The following KLRG1 variants were observed in gnomAD, a reference collection of about 807,000 sequenced individuals.
KLRG1 encodes killer cell lectin-like receptor subfamily G member 1.
KLRG1 carries 16 observed loss-of-function variants against 21.8 expected under a neutral mutation model. The observed-to-expected ratio is 0.73, with a 90% CI of 0.50 to 1.11. The LOEUF is 1.11. Ranked by LOEUF, KLRG1 falls within the 50% of genes most tolerant of loss-of-function variation. The probability of loss-of-function intolerance (pLI) is 0.00; values close to 1 mark genes in which losing one functional copy is unlikely to be tolerated. For missense variants in KLRG1, 173 were observed against 218.3 expected (o/e 0.79, Z 1.31); for synonymous variants, 69 against 75.9 (o/e 0.91, Z 0.47).
the KLRG1 span, chr12:9,200,834 T>G: frequency 6.5e-7 from 1 of 1,528,884 alleles, no homozygotes; most frequent in Non-Finnish European, 8.9e-7. Context: ...AGGATCTAAG[T>G]GAGCTCACAC....
At chr12:9,100,531 G>C in the KLRG1 span, among the ~76,000 whole-genome samples, 6 of 151,600 alleles carry the variant, frequency 4.0e-5, no homozygotes, top group Non-Finnish European at 7.4e-5. Flanking sequence ...CTCCCATCCC[G>C]TTCTCCCAAA....
chr12:9,109,295 A>G, the KLRG1 span: 6 of 1,565,784 alleles, frequency 3.8e-6, no homozygotes, highest in Non-Finnish European at 5.3e-6. Flanking sequence ...AATCCCCCAC[A>G]AAAGATTTTT....
At chr12:9,172,836 A>T in the KLRG1 span, among the ~76,000 whole-genome samples, 1 of 152,224 alleles carries the variant, frequency 6.6e-6, no homozygotes, top group South Asian at 2.1e-4. Flanking sequence ...GCAAGTTCTT[A>T]TATACCTACA....
chr12:8,974,507 G>A (rs1946625023), intron 1 of KLRG1, among the ~76,000 whole-genome samples: 1 of 126,990 alleles, frequency 7.9e-6, no homozygotes, highest in African/African-American at 2.6e-5. Flanking sequence ...TTAGCTGTGG[G>A]CTTCTTTATA....
chr12:9,160,844 G>A, the KLRG1 span, among the ~76,000 whole-genome samples: 5 of 151,964 alleles, frequency 3.3e-5, no homozygotes, highest in Non-Finnish European at 7.4e-5. Context: ...GAACCCAGGA[G>A]GCGGAGCTTG....
At chr12:9,087,470 G>T in the KLRG1 span, among the ~76,000 whole-genome samples, 1 of 152,108 alleles carries the variant, frequency 6.6e-6, no homozygotes, top group Admixed American at 6.5e-5. Flanking sequence ...AAATTCACAG[G>T]AGCAGAGAGT....
chr12:9,107,146 G>T, the KLRG1 span, among the ~76,000 whole-genome samples: 1 of 152,108 alleles, frequency 6.6e-6, no homozygotes, highest in Non-Finnish European at 1.5e-5. Context: ...TCTATATGGG[G>T]ACTGTGTTTG....
chr12:9,060,884 T>G, the KLRG1 span, among the ~76,000 whole-genome samples: 12 of 152,200 alleles, frequency 7.9e-5, no homozygotes, highest in African/African-American at 2.9e-4. Flanking sequence ...TTTCTCTAGG[T>G]AAGAGACAGT....
intron 1 of KLRG1, among the ~76,000 whole-genome samples, chr12:8,968,361 A>G (rs1042957570): frequency 3.9e-5 from 6 of 152,186 alleles, no homozygotes; most frequent in African/African-American, 1.4e-4. Flanking sequence ...CCTTGCTCTA[A>G]AATAGAGTGA....
chr12:9,016,230 G>T, the KLRG1 span, among the ~76,000 whole-genome samples: 1 of 151,566 alleles, frequency 6.6e-6, no homozygotes, highest in African/African-American at 2.4e-5. Flanking sequence ...TGGTTTTTTT[G>T]AAAAGATAAA....
At chr12:9,188,858 C>A in the KLRG1 span, among the ~76,000 whole-genome samples, 1 of 152,026 alleles carries the variant, frequency 6.6e-6, no homozygotes, top group Non-Finnish European at 1.5e-5. Context: ...TTATAAAACA[C>A]CGCTCAAAGA....
the KLRG1 span, among the ~76,000 whole-genome samples, chr12:9,120,273 C>G: frequency 7.9e-5 from 12 of 152,134 alleles, no homozygotes; most frequent in African/African-American, 2.9e-4. Flanking sequence ...GAAAAGGGAG[C>G]ACACAATTTG....
chr12:9,080,068 G>T, the KLRG1 span: 1 of 1,472,546 alleles, frequency 6.8e-7, no homozygotes, highest in Non-Finnish European at 9.2e-7. Flanking sequence ...GTTAATGCCC[G>T]GATCCACTAG....
chr12:9,115,854 C>G, the KLRG1 span: 14 of 1,612,046 alleles, frequency 8.7e-6, no homozygotes, highest in Non-Finnish European at 1.2e-5. Flanking sequence ...CCCCATGTTG[C>G]AGAAAGAAGG....
At chr12:9,157,468 A>T in the KLRG1 span, 1 of 977,486 alleles carries the variant, frequency 1.0e-6, no homozygotes, top group African/African-American at 1.6e-5. Flanking sequence ...AGATAGGCAG[A>T]CAGCTAGATA....
chr12:8,955,374 G>T (rs1276713846), intron 1 of KLRG1, among the ~76,000 whole-genome samples: 2 of 101,382 alleles, frequency 2.0e-5, no homozygotes, highest in Non-Finnish European at 3.9e-5. Context: ...CTATTGCTCT[G>T]ATTTTTTTTT....
chr12:8,988,383 T>C (rs986229920), upstream of KLRG1: 5 of 152,178 alleles, frequency 3.3e-5, no homozygotes, highest in African/African-American at 1.2e-4. Context: ...TGTCTTGCCA[T>C]GTGTTGTATT....
At chr12:9,164,806 A>G in the KLRG1 span, among the ~76,000 whole-genome samples, 2 of 152,224 alleles carry the variant, frequency 1.3e-5, no homozygotes, top group Non-Finnish European at 2.9e-5. Flanking sequence ...GACGGGTTGG[A>G]GAATGACTCT....
At chr12:9,065,216 C>T in the KLRG1 span, 3 of 147,600 alleles carry the variant, frequency 2.0e-5, no homozygotes, top group Non-Finnish European at 4.5e-5. Context: ...CGGACCTGCA[C>T]ACTCAGGAGC....
Sources: allele counts gnomAD v4.1 joint callset (sites outside exome capture counted in the v4.1 genomes callset), GRCh38; gene constraint gnomAD v4.1.1; transcripts MANE v1.5; gene names NCBI Gene and HGNC (gene_info 2026-07-23, HGNC 2026-07-21).